The following SMARCA2 variants were observed in gnomAD, a reference collection of about 807,000 sequenced individuals.
The protein encoded by SMARCA2 is SWI/SNF-related matrix-associated actin-dependent regulator of chromatin subfamily A member 2.
A neutral mutation model predicts 199.8 loss-of-function variants in SMARCA2; 61 were observed. The ratio of observed to expected loss-of-function variants is 0.31; its 90% CI spans 0.25 to 0.38. The LOEUF (loss-of-function observed/expected upper bound fraction) is 0.38. Ranked by LOEUF, SMARCA2 falls within the 10% of genes least tolerant of loss-of-function variation. The pLI is 1.00. For synonymous variants in SMARCA2, 935 were observed against 732.0 expected, an observed-to-expected ratio of 1.28 and a Z score of -4.48; for missense variants, 1,344 against 2,012.2, an observed-to-expected ratio of 0.67 and a Z score of 6.35.
chr9:2,191,516 G>C (rs1827884152), intron 33 of SMARCA2, 108 bp downstream of exon 33: 8 of 1,186,660 alleles, frequency 6.7e-6, no homozygotes, highest in Non-Finnish European at 9.7e-6. Flanking sequence ...CCCAGGACTG[G>C]AAATGTCAGG....
chr9:2,100,260 A>G (rs1477076434), intron 21 of SMARCA2, among the ~76,000 whole-genome samples: 1 of 152,326 alleles, frequency 6.6e-6, no homozygotes, highest in East Asian at 1.9e-4. Flanking sequence ...ATGCGTGGAA[A>G]ACAGTATTTC....
At chr9:2,065,821 C>A (rs942912018) in intron 9 of SMARCA2, among the ~76,000 whole-genome samples, 2 of 152,088 alleles carry the variant, frequency 1.3e-5, no homozygotes, top group African/African-American at 4.8e-5. Flanking sequence ...AGTGTAGGAA[C>A]TATTGTAAGG....
At chr9:2,120,209 C>T (rs1043114340) in intron 26 of SMARCA2, among the ~76,000 whole-genome samples, 2 of 152,188 alleles carry the variant, frequency 1.3e-5, no homozygotes, top group South Asian at 2.1e-4. Flanking sequence ...AGACTGATTA[C>T]AGAGAGAGTA....
At chr9:2,024,047 G>T (rs549270504) in intron 1 of SMARCA2, among the ~76,000 whole-genome samples, 3 of 152,080 alleles carry the variant, frequency 2.0e-5, no homozygotes, top group South Asian at 4.1e-4. Context: ...TTTCTGTAAA[G>T]TGAGCTGTGA....
At chr9:2,139,612 T>A (rs1824371147) in intron 27 of SMARCA2, among the ~76,000 whole-genome samples, 1 of 151,786 alleles carries the variant, frequency 6.6e-6, no homozygotes, top group Non-Finnish European at 1.5e-5. Context: ...GACTGTTTTG[T>A]TCTATTTTTC....
At chr9:2,063,593 G>A (rs1400915283) in intron 9 of SMARCA2, among the ~76,000 whole-genome samples, 1 of 152,174 alleles carries the variant, frequency 6.6e-6, no homozygotes, top group Non-Finnish European at 1.5e-5. Context: ...GTAGTTAATA[G>A]CACTGAGCTG....
At chr9:2,152,695 T>C (rs749584233) in intron 27 of SMARCA2, among the ~76,000 whole-genome samples, 6 of 151,172 alleles carry the variant, frequency 4.0e-5, no homozygotes, top group African/African-American at 1.2e-4. Context: ...CTACTAAAAA[T>C]ATAAAAATTA....
intron 20 of SMARCA2, 121 bp downstream of exon 20, chr9:2,096,885 C>G: frequency 1.5e-6 from 1 of 688,788 alleles, no homozygotes; most frequent in East Asian, 2.6e-5. Context: ...ATCACTGGAC[C>G]TCCTTTGAGC....
At chr9:2,160,498 T>A (rs1471818986) in intron 27 of SMARCA2, 14 of 604,370 alleles carry the variant, frequency 2.3e-5, no homozygotes, top group Non-Finnish European at 3.6e-5. Context: ...ACCTTTCTTT[T>A]TCAGGAAGCG....
At chr9:2,050,053 T>A (rs1008815483) in intron 5 of SMARCA2, among the ~76,000 whole-genome samples, 5 of 152,248 alleles carry the variant, frequency 3.3e-5, no homozygotes, top group Non-Finnish European at 7.3e-5. Context: ...CAGGAAGTTT[T>A]CAGCATCTTA....
chr9:2,079,412 C>G (rs1821466971), intron 14 of SMARCA2, among the ~76,000 whole-genome samples: 1 of 152,220 alleles, frequency 6.6e-6, no homozygotes, highest in African/African-American at 2.4e-5. Flanking sequence ...GGTACTGTGT[C>G]TGCTGCCCTT....
At chr9:2,175,628 T>C (rs1826528726) in intron 29 of SMARCA2, among the ~76,000 whole-genome samples, 1 of 152,226 alleles carries the variant, frequency 6.6e-6, no homozygotes, top group African/African-American at 2.4e-5. Context: ...ATTTGACTTA[T>C]GGCATGTTTT....
Position 2,188,970 on chromosome 9 carries a change from C to G in SMARCA2, c.4595-2296C>G, listed in dbSNP as rs532202951. Among the ~76,000 whole-genome samples the G allele has an allele frequency of 4.0e-3, 604 of 152,322 alleles. 1 individual carries two copies. The highest frequency in any genetic ancestry group is 0.014 in the African/African-American group (577 of 41,568). ...GTTCCAACTTTAAAGCCAGCAATGA[C>G]AGGTACAGTCCTTCTCATGTTGTGT... On this transcript the variant is annotated intron_variant, in intron 32 of 33. Coordinates refer to ENST00000349721, the MANE Select transcript of SMARCA2 (RefSeq NM_003070.5).
intron 27 of SMARCA2, chr9:2,158,089 T>G (rs758230797): frequency 2.8e-6 from 1 of 361,304 alleles, no homozygotes; most frequent in Non-Finnish European, 4.9e-6. Flanking sequence ...ATCTCGTTCT[T>G]GCACACCCTG....
At chr9:2,147,002 C>G (rs973729506) in intron 27 of SMARCA2, among the ~76,000 whole-genome samples, 1 of 152,172 alleles carries the variant, frequency 6.6e-6, no homozygotes, top group African/African-American at 2.4e-5. Flanking sequence ...TAGGTTTCAG[C>G]TTTATTTTAC....
At chr9:2,171,241 G>C (rs151144257) in intron 29 of SMARCA2, among the ~76,000 whole-genome samples, 1 of 151,942 alleles carries the variant, frequency 6.6e-6, no homozygotes, top group Non-Finnish European at 1.5e-5. Flanking sequence ...CGGTCAACCT[G>C]TACTTAAAAA....
chr9:2,080,467 C>G (rs1219087901), intron 14 of SMARCA2, among the ~76,000 whole-genome samples: 1 of 152,232 alleles, frequency 6.6e-6, no homozygotes, highest in Non-Finnish European at 1.5e-5. Context: ...AAAAATTCAT[C>G]CTACAGAGTA....
intron 8 of SMARCA2, among the ~76,000 whole-genome samples, chr9:2,059,813 A>AGTTTTT (rs1820506731): frequency 6.6e-6 from 1 of 152,100 alleles, no homozygotes; most frequent in Non-Finnish European, 1.5e-5. Context: ...AAAGATCCCA[A>AGTTTTT]GTTTTTGTTT....
At chr9:2,047,774 G>A (rs1334631545) in intron 5 of SMARCA2, 1 of 207,088 alleles carries the variant, frequency 4.8e-6, no homozygotes, top group Non-Finnish European at 9.6e-6. Flanking sequence ...GGTGATGACG[G>A]AGGGGCTGGG....
Sources: gnomAD v4.1 joint callset for allele counts (sites outside exome capture counted in the v4.1 genomes callset) on GRCh38, gnomAD v4.1.1 for gene constraint, MANE v1.5 for transcripts, NCBI Gene and HGNC (gene_info 2026-07-23, HGNC 2026-07-21) for gene names.